DDX47: variants seen among roughly 807,000 people sequenced by gnomAD.
DDX47 encodes the protein DEAD-box helicase 47.
DDX47 carries 60 observed loss-of-function variants against 58.8 expected under a neutral mutation model. The ratio of observed to expected loss-of-function variants is 1.02; its 90% confidence interval spans 0.83 to 1.26. The LOEUF (loss-of-function observed/expected upper bound fraction) is 1.26. DDX47 is among the 50% of genes most tolerant of loss of function. The pLI is 0.00. For synonymous variants in DDX47, 197 were observed against 204.6 expected, an observed-to-expected ratio of 0.96 and a Z score of 0.32; for missense variants, 530 against 573.2, an observed-to-expected ratio of 0.92 and a Z score of 0.77.
chr12:12,827,285 T>G lies in DDX47; in HGVS notation c.1146T>G (p.Ile382Met). The change falls in exon 11 of 12, where the codon ATT (isoleucine) becomes ATG (methionine). Residue 382 changes from isoleucine (I) to methionine (M), a missense_variant. Ile to Met is a conservative substitution (Grantham distance 10, BLOSUM62 1). Coordinates refer to ENST00000358007, the MANE Select transcript of DDX47 (RefSeq NM_016355.4). ...TCTTCCAGCGCATAGAACACTTAAT[T>G]GGGAAGAAACTACCAGGTTTTCCAA... ...VELFQRIEHL[I>M]GKKLPGFPTQ... The G allele has an allele frequency of 6.2e-7, 1 of 1,614,184 alleles. No homozygotes were observed. Among genetic ancestry groups the G allele is most frequent in the Non-Finnish European group, 8.5e-7 (1 of 1,180,036 alleles).
At chr12:12,825,408 T>C (rs543501676) in intron 9 of DDX47, among the ~76,000 whole-genome samples, 1 of 152,328 alleles carries the variant, frequency 6.6e-6, no homozygotes, top group East Asian at 1.9e-4. Flanking sequence ...ACCCAGTAGA[T>C]AACAGCATCA....
chr12:12,823,350 C>T (rs1376891410), intron 7 of DDX47, 31 bp downstream of exon 7: 2 of 1,264,154 alleles, frequency 1.6e-6, no homozygotes, highest in Admixed American at 3.4e-5. Flanking sequence ...ATTCCTGCCT[C>T]TCCCTCTTCT....
chr12:12,822,607 G>T, intron 5 of DDX47, 54 bp from the exon 6 acceptor site: 1 of 1,458,874 alleles, frequency 6.9e-7, no homozygotes, highest in Non-Finnish European at 9.6e-7. Flanking sequence ...TAGAGGATTT[G>T]CAGCTCTTCC....
intron 3 of DDX47, 62 bp from the exon 4 acceptor site, chr12:12,821,593 A>G: frequency 5.2e-6 from 8 of 1,528,012 alleles, no homozygotes; most frequent in Non-Finnish European, 7.2e-6. Flanking sequence ...GCTTTAAAAG[A>G]TGTTCAGTGG....
At chr12:12,825,863 C>A in intron 9 of DDX47, 137 bp from the exon 10 acceptor site, 1 of 612,074 alleles carries the variant, frequency 1.6e-6, no homozygotes, top group Non-Finnish European at 2.7e-6. Flanking sequence ...CAACAAATTG[C>A]CCCGGCCATT....
chr12:12,814,005 G>C (rs1325941361), intron 1 of DDX47, 126 bp from the exon 2 acceptor site: 6 of 715,532 alleles, frequency 8.4e-6, no homozygotes, highest in South Asian at 1.6e-5. Flanking sequence ...TAGGCTCTGA[G>C]ATGCACAGTA....
chr12:12,829,424 A>G lies in DDX47; in HGVS notation c.1238A>G (p.Glu413Gly), dbSNP rs147834091. Residue 413 changes from glutamate (E) to glycine (G), a missense_variant and splice_region_variant, in exon 12 of 12, where the codon GAG becomes GGG. By Grantham distance (98) the Glu-to-Gly change is moderately conservative (BLOSUM62 -2). Coordinates refer to ENST00000358007, the MANE Select transcript of DDX47 (RefSeq NM_016355.4). The stretch of plus-strand genomic sequence containing the variant: ...CCATCCTCTCTTTTTTTCTTGCAGG[A>G]GTTAAGGGAGCATGGAGAAAAGAAG... ...VAEAQRFARMELREHGEKKKR... is the reference protein window; with the variant it reads ...VAEAQRFARMGLREHGEKKKR... The G allele has an allele frequency of 9.5e-5, 152 of 1,605,008 alleles. No individual in the cohort carries two copies. In the East Asian group the frequency reaches 3.3e-3, roughly 35 times the overall value.
intron 2 of DDX47, among the ~76,000 whole-genome samples, chr12:12,814,849 G>A (rs1862873744): frequency 6.6e-6 from 1 of 152,096 alleles, no homozygotes; most frequent in African/African-American, 2.4e-5. Flanking sequence ...GGCTAATTTT[G>A]TATTTTTAGT....
intron 8 of DDX47, chr12:12,824,335 A>G (rs762026294): frequency 1.9e-5 from 11 of 582,976 alleles, no homozygotes; most frequent in Non-Finnish European, 3.2e-5. Flanking sequence ...TATCGTGTCA[A>G]ACTACCCTTA....
chr12:12,819,979 G>A (rs1862945543), intron 2 of DDX47, among the ~76,000 whole-genome samples: 1 of 152,136 alleles, frequency 6.6e-6, no homozygotes, highest in Non-Finnish European at 1.5e-5. Context: ...GTTATGTCAG[G>A]GAAAAGAGAT....
chr12:12,824,205 T>C, intron 8 of DDX47, 189 bp downstream of exon 8: 2 of 710,818 alleles, frequency 2.8e-6, no homozygotes, highest in South Asian at 4.6e-5. Flanking sequence ...AGGCTCCCAT[T>C]AGAATATTTC....
chr12:12,814,041 G>C (rs921546217), intron 1 of DDX47, 90 bp from the exon 2 acceptor site: 1 of 823,488 alleles, frequency 1.2e-6, no homozygotes, highest in Non-Finnish European at 2.2e-6. Context: ...AAATACAATG[G>C]TTGTACATGA....
At chr12:12,815,421 T>C (rs1862881192) in intron 2 of DDX47, among the ~76,000 whole-genome samples, 1 of 152,126 alleles carries the variant, frequency 6.6e-6, no homozygotes, top group Non-Finnish European at 1.5e-5. Context: ...TCTCCAAGAG[T>C]CTATAATCTA....
At chr12:12,828,178 G>A (rs919105789) in intron 11 of DDX47, among the ~76,000 whole-genome samples, 4 of 152,100 alleles carry the variant, frequency 2.6e-5, no homozygotes, top group African/African-American at 7.2e-5. Flanking sequence ...TTTTGAGTGC[G>A]AAAAGGATTG....
chr12:12,823,821 C>G, intron 7 of DDX47, 49 bp from the exon 8 acceptor site: 1 of 1,581,650 alleles, frequency 6.3e-7, no homozygotes. Context: ...GGTCTCCAAT[C>G]CTGTCTCCCA....
chr12:12,827,523 A>T, intron 11 of DDX47, 148 bp downstream of exon 11: 1 of 969,858 alleles, frequency 1.0e-6, no homozygotes, highest in South Asian at 1.6e-5. Flanking sequence ...CAGAGATGGT[A>T]GGTAATTTGC....
chr12:12,822,706 C>T lies in DDX47; in HGVS notation c.607C>T (p.Leu203Phe). Reference sequence around the variant, plus strand: ...GATTCCTCGAGATCGGAAAACATTCCTCTTCTCTGCCACCATGACCAAGAA... The same window carrying T: ...GATTCCTCGAGATCGGAAAACATTCTTCTTCTCTGCCACCATGACCAAGAA... ...KVIPRDRKTF[L>F]FSATMTKKVQ... The change falls in exon 6 of 12, where the codon CTC becomes TTC. Residue 203 changes from leucine to phenylalanine, a missense_variant. Coordinates refer to ENST00000358007, the MANE Select transcript of DDX47 (RefSeq NM_016355.4). The T allele has an allele frequency of 6.2e-7, 1 of 1,613,950 alleles. No homozygotes were observed. Among genetic ancestry groups the T allele is most frequent in the South Asian group, 1.1e-5 (1 of 91,058 alleles).
chr12:12,824,848 G>A, intron 9 of DDX47, 171 bp downstream of exon 9: 1 of 612,756 alleles, frequency 1.6e-6, no homozygotes, highest in African/African-American at 1.9e-5. Context: ...GCCTGTGTAT[G>A]TAACATTAGT....
At position 12,824,017 on chromosome 12, in the gene DDX47, G is replaced by T; in HGVS notation, c.897+1G>T. The stretch of plus-strand genomic sequence containing the variant: ...CCCCCTCCATGGACAAATGAGTCAG[G>T]TAAGGATTCATCATCATCATCAGCC... On this transcript the variant is annotated splice_donor_variant, in intron 8 of 11. Coordinates refer to ENST00000358007, the MANE Select transcript of DDX47 (RefSeq NM_016355.4). LOFTEE classifies it high-confidence loss of function. 1 of 1,613,096 alleles carries T rather than the reference G, an allele frequency of 6.2e-7. No homozygotes were observed. Among genetic ancestry groups the T allele is most frequent in the South Asian group, 1.1e-5 (1 of 90,942 alleles).
Sources: allele counts gnomAD v4.1 joint callset (sites outside exome capture counted in the v4.1 genomes callset), GRCh38; gene constraint gnomAD v4.1.1; transcripts MANE v1.5; gene names NCBI Gene and HGNC (gene_info 2026-07-23, HGNC 2026-07-21).